Variants in NCKAP5 observed in about 807,000 individuals in gnomAD.
NCKAP5 encodes nck-associated protein 5.
Under a neutral mutation model 167.0 loss-of-function variants are expected in NCKAP5, and 92 were observed. The ratio of observed to expected loss-of-function variants is 0.55; its 90% CI spans 0.47 to 0.66. The LOEUF (loss-of-function observed/expected upper bound fraction) is 0.66. Among genes scored for constraint, NCKAP5 ranks in the 30% least tolerant of loss-of-function variants. NCKAP5 has a pLI of 0.00. For synonymous variants in NCKAP5, 891 were observed against 877.4 expected, an observed-to-expected ratio of 1.02 and a Z score of -0.27; for missense variants, 2,378 against 2,315.0, an observed-to-expected ratio of 1.03 and a Z score of -0.56.
chr2:133,022,343 C>T (rs1375509462), intron 6 of NCKAP5, among the ~76,000 whole-genome samples: 1 of 152,188 alleles, frequency 6.6e-6, no homozygotes, highest in African/African-American at 2.4e-5. Context: ...AAGAAGGCTG[C>T]TCATTATAGA....
intron 3 of NCKAP5, chr2:133,431,620 G>C (rs1248942843): frequency 2.0e-5 from 3 of 152,166 alleles, no homozygotes; most frequent in Admixed American, 2.0e-4. Flanking sequence ...GAGGCACAAA[G>C]AACCAGGATA....
At chr2:132,962,079 T>A (rs1279225546) in intron 8 of NCKAP5, among the ~76,000 whole-genome samples, 1 of 152,210 alleles carries the variant, frequency 6.6e-6, no homozygotes, top group Non-Finnish European at 1.5e-5. Context: ...AGTTGATATT[T>A]GTTCTGCTCT....
At chr2:132,863,729 T>C (rs1242170771) in intron 10 of NCKAP5, among the ~76,000 whole-genome samples, 2 of 152,178 alleles carry the variant, frequency 1.3e-5, no homozygotes, top group African/African-American at 2.4e-5. Context: ...TCTGAAAATC[T>C]GTAGATAGGA....
At chr2:132,759,563 C>T (rs2104846180) in intron 16 of NCKAP5, among the ~76,000 whole-genome samples, 1 of 152,206 alleles carries the variant, frequency 6.6e-6, no homozygotes, top group Middle Eastern at 3.4e-3. Flanking sequence ...ACTTAACTCC[C>T]AAATCGATTT....
At chr2:133,012,056 A>G (rs187257786) in intron 6 of NCKAP5, among the ~76,000 whole-genome samples, 37 of 152,196 alleles carry the variant, frequency 2.4e-4, no homozygotes, top group African/African-American at 8.9e-4. Flanking sequence ...ATGGCAAGCA[A>G]GTAAATTTAT....
intron 3 of NCKAP5, among the ~76,000 whole-genome samples, chr2:133,357,741 T>C (rs1203729792): frequency 6.6e-6 from 1 of 152,204 alleles, no homozygotes; most frequent in African/African-American, 2.4e-5. Context: ...AGTCAGAGTA[T>C]CTGTTATTAT....
chr2:132,862,250 C>A (rs1689970123), intron 10 of NCKAP5, among the ~76,000 whole-genome samples: 2 of 152,184 alleles, frequency 1.3e-5, no homozygotes, highest in Non-Finnish European at 2.9e-5. Flanking sequence ...GCTTGATGAG[C>A]ATGCATCATC....
intron 16 of NCKAP5, among the ~76,000 whole-genome samples, chr2:132,736,600 G>A (rs1051928572): frequency 6.6e-5 from 10 of 150,476 alleles, no homozygotes; most frequent in African/African-American, 2.4e-4. Flanking sequence ...CCCACATGGT[G>A]AAACCCCATC....
intron 3 of NCKAP5, among the ~76,000 whole-genome samples, chr2:133,464,519 C>A (rs1304513369): frequency 1.3e-5 from 2 of 151,932 alleles, no homozygotes; most frequent in African/African-American, 4.8e-5. Flanking sequence ...GAAACCCAGT[C>A]TCTACTAAAA....
At chr2:133,486,518 C>A (rs1039001060) in intron 3 of NCKAP5, among the ~76,000 whole-genome samples, 2 of 152,118 alleles carry the variant, frequency 1.3e-5, no homozygotes, top group Non-Finnish European at 2.9e-5. Flanking sequence ...CCTCCTATAC[C>A]TACCTGTGAT....
intron 5 of NCKAP5, among the ~76,000 whole-genome samples, chr2:133,186,406 C>T (rs981196799): frequency 2.0e-5 from 3 of 152,136 alleles, no homozygotes; most frequent in African/African-American, 4.8e-5. Context: ...GGATATCGGC[C>T]TGCGGTTTTC....
At chr2:133,371,612 T>A (rs1241644298) in intron 3 of NCKAP5, among the ~76,000 whole-genome samples, 1 of 152,254 alleles carries the variant, frequency 6.6e-6, no homozygotes, top group African/African-American at 2.4e-5. Flanking sequence ...CAACTCTGAA[T>A]GGAAGAGTGA....
chr2:133,221,254 G>A (rs1326309802), intron 4 of NCKAP5, among the ~76,000 whole-genome samples: 2 of 152,032 alleles, frequency 1.3e-5, no homozygotes, highest in South Asian at 2.1e-4. Flanking sequence ...CTTTACTGTG[G>A]TAAAGATATT....
At chr2:132,875,993 T>C (rs1196554732) in intron 9 of NCKAP5, among the ~76,000 whole-genome samples, 1 of 152,186 alleles carries the variant, frequency 6.6e-6, no homozygotes, top group Admixed American at 6.5e-5. Context: ...TGCTCTTCTA[T>C]TGGAACACAG....
chr2:133,640,263 TAGTA>T, the NCKAP5 span, among the ~76,000 whole-genome samples: 1 of 152,214 alleles, frequency 6.6e-6, no homozygotes, highest in Non-Finnish European at 1.5e-5. Flanking sequence ...CTTTTTGTCC[TAGTA>T]AGTGTTTTAA....
At chr2:132,821,908 C>T (rs1170260239) in intron 11 of NCKAP5, among the ~76,000 whole-genome samples, 1 of 152,182 alleles carries the variant, frequency 6.6e-6, no homozygotes, top group African/African-American at 2.4e-5. Context: ...CTAACCCTGC[C>T]CTGACTGGGT....
chr2:133,375,839 T>C (rs59838856), intron 3 of NCKAP5, among the ~76,000 whole-genome samples: 4,048 of 152,330 alleles, frequency 0.027, 165 homozygotes, highest in African/African-American at 0.092. Context: ...TTATCCAGTC[T>C]ATCACTGATG....
intron 11 of NCKAP5, among the ~76,000 whole-genome samples, chr2:132,842,041 A>G (rs771562540): frequency 1.4e-4 from 22 of 152,150 alleles, no homozygotes; most frequent in Non-Finnish European, 3.1e-4. Context: ...GACATAATCT[A>G]AATAATATTG....
At chr2:133,529,217 T>C (rs867774632) in intron 2 of NCKAP5, among the ~76,000 whole-genome samples, 3 of 151,656 alleles carry the variant, frequency 2.0e-5, no homozygotes, top group African/African-American at 7.3e-5. Flanking sequence ...CAAATGTATA[T>C]AGAGTATAAT....
Sources: gnomAD v4.1 joint callset for allele counts (sites outside exome capture counted in the v4.1 genomes callset) on GRCh38, gnomAD v4.1.1 for gene constraint, MANE v1.5 for transcripts, NCBI Gene and HGNC (gene_info 2026-07-23, HGNC 2026-07-21) for gene names.